PAQR6: variants seen among roughly 807,000 people sequenced by gnomAD.
The protein encoded by PAQR6 is membrane progestin receptor delta.
Under a neutral mutation model 36.2 loss-of-function variants are expected in PAQR6, and 34 were observed. That is an observed-to-expected ratio of 0.94 (90% CI 0.71 to 1.25). The LOEUF is 1.25. Among genes scored for constraint, PAQR6 ranks in the 50% most tolerant of loss-of-function variants. PAQR6 has a pLI of 0.00. For synonymous variants in PAQR6, 190 were observed against 190.7 expected (o/e 1.00, Z 0.03); for missense variants, 431 against 445.7 (o/e 0.97, Z 0.30).
intron 1 of PAQR6, chr1:156,247,360 G>T (rs1053303682): frequency 1.6e-4 from 25 of 152,456 alleles, no homozygotes; most frequent in African/African-American, 5.8e-4. Context: ...CACTGCCTCC[G>T]GGTGGCCGCA....
intron 5 of PAQR6, 51 bp downstream of exon 5, chr1:156,245,484 C>G (rs1440801599): frequency 4.4e-6 from 7 of 1,604,030 alleles, no homozygotes; most frequent in Middle Eastern, 2.2e-4. Flanking sequence ...GGTGTGTCCT[C>G]TCCTGTGCCT....
chr1:156,245,732 C>G, intron 4 of PAQR6, 50 bp downstream of exon 4: 8 of 1,572,344 alleles, frequency 5.1e-6, no homozygotes, highest in Non-Finnish European at 6.9e-6. Context: ...CCACCCCTCG[C>G]CCCGCTCCGG....
Position 156,245,231 on chromosome 1 carries a change from C to A in PAQR6, c.520G>T (p.Glu174Ter). ...TTACTGAGCCCAGGGCTTTCCAGCT[C>A]CAGGAAACTGGGAGGCGGGAGGAAA... ...TGLSCYSRFLELESPGLSKVL... is the reference protein window; with the variant it reads ...TGLSCYSRFL The change falls in exon 6 of 8, where the codon GAG (glutamate) becomes TAG (stop). Residue 174 changes from glutamate to a stop codon, truncating the protein, a stop_gained. Transcript: ENST00000292291. LOFTEE classifies it high-confidence loss of function. 1 of 1,613,960 alleles carries A rather than the reference C, an allele frequency of 6.2e-7. No individual in the cohort carries two copies. Among genetic ancestry groups the A allele is most frequent in the Non-Finnish European group, 8.5e-7 (1 of 1,179,942 alleles).
Position 156,245,980 on chromosome 1 carries a change from G to A in PAQR6, c.187C>T (p.Leu63=), listed in dbSNP as rs930554670. Residue 63 remains leucine (L), a synonymous_variant, in exon 4 of 8, where the codon CTG becomes TTG. Transcript: ENST00000292291. The stretch of plus-strand genomic sequence containing the variant: ...CCCGCCAGCGCCAGGAGCCGCCACA[G>A]GAAGTACCTGCGGCGGGCGCGTGCT... The part of the protein sequence containing the change: ...WTHFLPTWYF[L]WRLLALAGGP... 7 of 1,554,330 alleles carry A rather than the reference G, an allele frequency of 4.5e-6. No individual in the cohort carries two copies. Among genetic ancestry groups the A allele is most frequent in the Non-Finnish European group, 4.3e-6 (5 of 1,151,638 alleles).
chr1:156,244,133 T>A lies in PAQR6; in HGVS notation c.1031A>T (p.Gln344Leu). The A allele has an allele frequency of 2.5e-6, 4 of 1,603,810 alleles. No individual in the cohort carries two copies. The highest frequency in any genetic ancestry group is 3.4e-6 in the Non-Finnish European group (4 of 1,172,186). The part of the protein sequence containing the change: ...PLEGGTQAKQ[Q>L] Reference sequence around the variant, plus strand: ...GACAGGGTCAGGGATGGGGCCTCACTGTTGTTTGGCCTGGGTACCCCCCTC... The same window carrying A: ...GACAGGGTCAGGGATGGGGCCTCACAGTTGTTTGGCCTGGGTACCCCCCTC... Residue 344 changes from glutamine to leucine, a missense_variant, in exon 8 of 8, where the codon CAG becomes CTG. By Grantham distance (113) the Gln-to-Leu change is moderately radical (BLOSUM62 -2). Transcript: ENST00000292291.
In PAQR6 at chr1:156,244,182, GGCATGT is replaced by G; in HGVS notation, c.976_981del (p.Thr326_Cys327del). The G allele has an allele frequency of 6.2e-7, 1 of 1,611,944 alleles. No homozygotes were observed. Among genetic ancestry groups the G allele is most frequent in the South Asian group, 1.1e-5 (1 of 90,948 alleles). On this transcript the variant is annotated inframe_deletion, in exon 8 of 8. Coordinates refer to ENST00000292291, the MANE Select transcript of PAQR6 (RefSeq NM_198406.3). ...TCCAGTGGGCCACCCTGCAGCAGAG[GGCATGT>G]ACTGGGGGCCCGAAGCAGGGTGGCT...
chr1:156,244,948 C>A, intron 6 of PAQR6, 37 bp from the exon 7 acceptor site: 2 of 1,601,720 alleles, frequency 1.2e-6, no homozygotes, highest in South Asian at 2.2e-5. Context: ...GGGAGGGACT[C>A]GGGAGCCGAA....
intron 5 of PAQR6, 60 bp downstream of exon 5, chr1:156,245,475 G>T: frequency 6.3e-7 from 1 of 1,598,528 alleles, no homozygotes; most frequent in Non-Finnish European, 8.5e-7. Context: ...GAGCAGTGAG[G>T]TGTGTCCTCT....
intron 2 of PAQR6, 60 bp from the exon 3 acceptor site, chr1:156,246,310 A>T: frequency 6.8e-7 from 1 of 1,462,758 alleles, no homozygotes; most frequent in Non-Finnish European, 9.4e-7. Context: ...CCTCCATCTG[A>T]GATCTCTGGA....
rs1186280817 is a variant in PAQR6 at position 156,243,866 on chromosome 1, C to G, written c.*263G>C. 4.4e-6 allele frequency: 7 copies of G among 1,594,342 alleles called. No individual in the cohort carries two copies. Among genetic ancestry groups the G allele is most frequent in the Non-Finnish European group, 6.0e-6 (7 of 1,166,084 alleles). On this transcript the variant is annotated 3_prime_UTR_variant, in exon 8 of 8. Coordinates refer to ENST00000292291, the MANE Select transcript of PAQR6 (RefSeq NM_198406.3). ...GACAGAATATAGGGGCATCTTCAGCCTGGACACGCATGCATCTCCCCTCTC... is the reference window on the plus strand; with the variant it reads ...GACAGAATATAGGGGCATCTTCAGCGTGGACACGCATGCATCTCCCCTCTC...
In PAQR6 at chr1:156,245,567, GGAGTT is replaced by G. The variant is rs1660270880; in HGVS notation, c.475_479del (p.Asn159LeufsTer22). On this transcript the variant is annotated frameshift_variant, in exon 5 of 8. Transcript: ENST00000292291. LOFTEE classifies it high-confidence loss of function. ...AGCAGGAGAGGCCGGTGCACAGGAA[GGAGTT>G]GAGTGCGGCGGCAGGCACAAAGAAC... The G allele has an allele frequency of 6.2e-7, 1 of 1,612,724 alleles. No homozygotes were observed. The highest frequency in any genetic ancestry group is 2.2e-5 in the East Asian group (1 of 44,872).
intron 1 of PAQR6, 32 bp downstream of exon 1, chr1:156,247,925 C>T (rs1203621955): frequency 2.3e-6 from 1 of 433,250 alleles, no homozygotes; most frequent in Non-Finnish European, 4.8e-6. Flanking sequence ...CTCTATTTTC[C>T]CAGAAGAGCC....
Position 156,243,830 on chromosome 1 carries a change from C to T in PAQR6, c.*299G>A, listed in dbSNP as rs374026893. On this transcript the variant is annotated 3_prime_UTR_variant, in exon 8 of 8. Coordinates refer to ENST00000292291, the MANE Select transcript of PAQR6 (RefSeq NM_198406.3). ...ATGAAAGGACCCCAACACCTCCCCCCGCCAACCTTTGACAGAATATAGGGG... is the reference window on the plus strand; with the variant it reads ...ATGAAAGGACCCCAACACCTCCCCCTGCCAACCTTTGACAGAATATAGGGG... 1.3e-5 allele frequency: 20 copies of T among 1,542,726 alleles called. No homozygotes were observed. Among genetic ancestry groups the T allele is most frequent in the African/African-American group, 4.1e-5 (3 of 73,164 alleles).
chr1:156,245,565 A>G lies in PAQR6; in HGVS notation c.482T>C (p.Phe161Ser). 1 of 1,612,492 alleles carries G rather than the reference A, an allele frequency of 6.2e-7. No individual in the cohort carries two copies. The highest frequency in any genetic ancestry group is 8.5e-7 in the Non-Finnish European group (1 of 1,179,960). ...GTAGCAGGAGAGGCCGGTGCACAGGAAGGAGTTGAGTGCGGCGGCAGGCAC... is the reference window on the plus strand; with the variant it reads ...GTAGCAGGAGAGGCCGGTGCACAGGGAGGAGTTGAGTGCGGCGGCAGGCAC... ...FFVPAAALNS[F>S]LCTGLSCYSR... The change falls in exon 5 of 8, where the codon TTC becomes TCC. Residue 161 changes from phenylalanine (F) to serine (S), a missense_variant. By Grantham distance (155) the Phe-to-Ser change is radical (BLOSUM62 -2). Coordinates refer to ENST00000292291, the MANE Select transcript of PAQR6 (RefSeq NM_198406.3).
At chr1:156,245,048 G>A (rs1035594487) in intron 6 of PAQR6, 94 bp downstream of exon 6, 1 of 1,600,448 alleles carries the variant, frequency 6.2e-7, no homozygotes, top group African/African-American at 1.3e-5. Context: ...CGGCTGGGCT[G>A]AGGCAGGGAC....
chr1:156,244,991 C>T, intron 6 of PAQR6, 80 bp from the exon 7 acceptor site: 1 of 1,593,522 alleles, frequency 6.3e-7, no homozygotes, highest in East Asian at 2.3e-5. Flanking sequence ...GGTGAGGACG[C>T]AGAGCGGGCG....
chr1:156,245,024 G>C, intron 6 of PAQR6, 113 bp from the exon 7 acceptor site: 1 of 1,597,502 alleles, frequency 6.3e-7, no homozygotes, highest in Non-Finnish European at 8.5e-7. Flanking sequence ...CGGGGTGCTG[G>C]ACCCCAAGAG....
rs1463437418 is a variant in PAQR6 at position 156,245,994 on chromosome 1, C to G, written c.180-7G>C. 1.4e-5 allele frequency: 22 copies of G among 1,555,662 alleles called. No homozygotes were observed. Among genetic ancestry groups the G allele is most frequent in the Non-Finnish European group, 1.9e-5 (22 of 1,153,364 alleles). ...GAGCCGCCACAGGAAGTACCTGCGG[C>G]GGGCGCGTGCTCAGGCCGCCGCGGA... On this transcript the variant is annotated splice_region_variant and splice_polypyrimidine_tract_variant and intron_variant, in intron 3 of 7. Coordinates refer to ENST00000292291, the MANE Select transcript of PAQR6 (RefSeq NM_198406.3).
intron 7 of PAQR6, 78 bp downstream of exon 7, chr1:156,244,683 C>T: frequency 6.2e-7 from 1 of 1,610,442 alleles, no homozygotes; most frequent in Admixed American, 1.7e-5. Context: ...CTGTAATACC[C>T]ATTTACCCAG....
Sources: allele counts gnomAD v4.1 joint callset, GRCh38; gene constraint gnomAD v4.1.1; transcripts MANE v1.5; gene names NCBI Gene and HGNC (gene_info 2026-07-23, HGNC 2026-07-21).